The following OLFML2A variants were observed in gnomAD, a reference collection of about 807,000 sequenced individuals.
OLFML2A encodes the protein olfactomedin like 2A, also known as olfactomedin-like protein 2A.
In OLFML2A, 47 loss-of-function variants were observed where a neutral mutation model predicts 60.9. That is an observed-to-expected ratio of 0.77 (90% CI 0.61 to 0.98). OLFML2A has a LOEUF of 0.98. Ranked by LOEUF, OLFML2A falls within the 50% of genes least tolerant of loss-of-function variation. The probability of loss-of-function intolerance (pLI) is 0.00; values close to 1 mark genes in which losing one functional copy is unlikely to be tolerated. For missense variants in OLFML2A, 922 were observed against 879.8 expected (o/e 1.05, Z -0.61); for synonymous variants, 372 against 375.0 (o/e 0.99, Z 0.09).
chr9:124,795,267 G>A (rs944557808), intron 3 of OLFML2A, 136 bp downstream of exon 3: 1 of 574,870 alleles, frequency 1.7e-6, no homozygotes, highest in Non-Finnish European at 3.2e-6. Context: ...AGCTGGGGGA[G>A]GGAAATGCAG....
intron 1 of OLFML2A, among the ~76,000 whole-genome samples, chr9:124,781,180 G>GC (rs1841355181): frequency 6.6e-6 from 1 of 152,202 alleles, no homozygotes; most frequent in Non-Finnish European, 1.5e-5. Flanking sequence ...AGTTAATATG[G>GC]CCCGAACTAG....
At position 124,810,532 on chromosome 9, in the gene OLFML2A, C is replaced by A; in HGVS notation, c.*120C>A. On this transcript the variant is annotated 3_prime_UTR_variant, in exon 8 of 8. Coordinates refer to ENST00000373580, the MANE Select transcript of OLFML2A (RefSeq NM_182487.4). ...GGGCCAGCCCAGGGCTGGGACTGGGCATGAGGTGGTCACCAGGATTGAGCT... is the reference window on the plus strand; with the variant it reads ...GGGCCAGCCCAGGGCTGGGACTGGGAATGAGGTGGTCACCAGGATTGAGCT... 9.7e-7 allele frequency: 1 copy of A among 1,026,716 alleles called. No homozygotes were observed. The highest frequency in any genetic ancestry group is 1.4e-6 in the Non-Finnish European group (1 of 724,354). The allele number at this position is 1,026,716 out of a possible 1,614,324, so 63.6% of individuals were successfully genotyped here. A position where few individuals can be genotyped will look rare whatever the true frequency, so the allele number is the denominator to read the frequency against.
At position 124,795,047 on chromosome 9, in the gene OLFML2A, G is replaced by A; in HGVS notation, c.378G>A (p.Leu126=). 1 of 1,606,320 alleles carries A rather than the reference G, an allele frequency of 6.2e-7. No individual in the cohort carries two copies. The highest frequency in any genetic ancestry group is 8.5e-7 in the Non-Finnish European group (1 of 1,175,842). The change falls in exon 3 of 8, where the codon CTG becomes CTA. Residue 126 remains leucine (L), a synonymous_variant. Coordinates refer to ENST00000373580, the MANE Select transcript of OLFML2A (RefSeq NM_182487.4). ...LLKLQSMVDL[L]EGTLYSMDLM... Reference sequence around the variant, plus strand: ...AGCTGCAGTCCATGGTGGATCTCCTGGAGGGCACCCTGTACAGCATGGACT... The same window carrying A: ...AGCTGCAGTCCATGGTGGATCTCCTAGAGGGCACCCTGTACAGCATGGACT...
chr9:124,810,403 C>T lies in OLFML2A; in HGVS notation c.1950C>T (p.Phe650=), dbSNP rs748912745. The change falls in exon 8 of 8, where the codon TTC becomes TTT. Residue 650 remains phenylalanine (F), a synonymous_variant. Coordinates refer to ENST00000373580, the MANE Select transcript of OLFML2A (RefSeq NM_182487.4). ...NGHQLTYTLH[F]VV ...ACCAGCTCACCTACACCCTCCACTT[C>T]GTGGTCTGAGTGGAGACCTGTGCTC... 3.1e-6 allele frequency: 5 copies of T among 1,595,806 alleles called. No homozygotes were observed. Among genetic ancestry groups the T allele is most frequent in the Admixed American group, 1.7e-5 (1 of 59,868 alleles).
At chr9:124,808,146 C>G (rs1841940072) in intron 7 of OLFML2A, among the ~76,000 whole-genome samples, 180 bp downstream of exon 7, 1 of 152,230 alleles carries the variant, frequency 6.6e-6, no homozygotes, top group Admixed American at 6.5e-5. Context: ...GAGGCCCAGA[C>G]AGACCCCATG....
At chr9:124,797,894 G>A (rs1021611128) in intron 3 of OLFML2A, among the ~76,000 whole-genome samples, 2 of 152,190 alleles carry the variant, frequency 1.3e-5, no homozygotes, top group African/African-American at 2.4e-5. Context: ...TCAGAACCAG[G>A]AGTAGATCCA....
chr9:124,793,900 A>C (rs1413227174), intron 2 of OLFML2A, among the ~76,000 whole-genome samples: 1 of 152,148 alleles, frequency 6.6e-6, no homozygotes, highest in African/African-American at 2.4e-5. Context: ...TTAACTAGGC[A>C]GGATGGTGCA....
In OLFML2A at chr9:124,801,464, GA is replaced by G; in HGVS notation, c.724del (p.Ser242AlafsTer21). On this transcript the variant is annotated frameshift_variant, in exon 5 of 8. Coordinates refer to ENST00000373580, the MANE Select transcript of OLFML2A (RefSeq NM_182487.4). LOFTEE classifies it high-confidence loss of function. ...ACATCAGCAAGTATGGCAGTGTGCA[GA>G]AAAGCTTTGCAGACAGAGGCCTCCC... ...KDISKYGSVQKSFADRGLPKP... is the reference protein window; with the variant it reads ...KDISKYGSVQXSFADRGLPKP... 1 of 1,614,134 alleles carries G rather than the reference GA, an allele frequency of 6.2e-7. No homozygotes were observed. Among genetic ancestry groups the G allele is most frequent in the Non-Finnish European group, 8.5e-7 (1 of 1,180,022 alleles).
chr9:124,784,943 GTTTTTTTTT>G (rs750733365), intron 1 of OLFML2A, among the ~76,000 whole-genome samples: 14 of 69,542 alleles, frequency 2.0e-4, no homozygotes, highest in African/African-American at 3.9e-4. Flanking sequence ...CCTTTTACTT[GTTTTTTTTT>G]TTTTTTTTTT....
In OLFML2A at chr9:124,810,139, G is replaced by A; in HGVS notation, c.1686G>A (p.Arg562=). ...RLDPGDLSVH[R]ETTWKTRLRR... ...ACCCCGGCGATCTCTCCGTGCACCG[G>A]GAGACCACGTGGAAGACACGGCTGC... The change falls in exon 8 of 8, where the codon CGG becomes CGA. Residue 562 remains arginine, a synonymous_variant. Transcript: ENST00000373580. The A allele has an allele frequency of 6.2e-7, 1 of 1,613,902 alleles. No individual in the cohort carries two copies. Among genetic ancestry groups the A allele is most frequent in the Non-Finnish European group, 8.5e-7 (1 of 1,180,010 alleles).
chr9:124,795,607 C>G (rs1225490272), intron 3 of OLFML2A, among the ~76,000 whole-genome samples: 1 of 152,152 alleles, frequency 6.6e-6, no homozygotes, highest in Non-Finnish European at 1.5e-5. Flanking sequence ...GATGAAACCC[C>G]ATCTCTACTA....
Position 124,799,767 on chromosome 9 carries a change from G to A in OLFML2A, c.669+276G>A, listed in dbSNP as rs72763325. 1.6e-3 allele frequency among the ~76,000 whole-genome samples: 250 copies of A among 152,302 alleles called. 1 individual carries two copies. The highest frequency in any genetic ancestry group is 2.2e-3 in the Non-Finnish European group (149 of 68,012). ...TGTTTGGCATCCTTCTCATTCCCAA[G>A]CTTGAAACTAGTAGGGACAAGCTTG... On this transcript the variant is annotated intron_variant, in intron 4 of 7. Coordinates refer to ENST00000373580, the MANE Select transcript of OLFML2A (RefSeq NM_182487.4).
chr9:124,793,693 C>A (rs1452995106), intron 2 of OLFML2A, among the ~76,000 whole-genome samples: 1 of 152,170 alleles, frequency 6.6e-6, no homozygotes, highest in Non-Finnish European at 1.5e-5. Context: ...CAGAAGCAGG[C>A]TCTGAAGCCA....
intron 2 of OLFML2A, among the ~76,000 whole-genome samples, chr9:124,794,615 A>AATTATTATTATT (rs1841630281): frequency 6.6e-6 from 1 of 151,798 alleles, no homozygotes; most frequent in South Asian, 2.1e-4. Context: ...TTTTAATTTT[A>AATTATTATTATT]ATTATTATTA....
At chr9:124,795,797 C>A (rs1230936793) in intron 3 of OLFML2A, among the ~76,000 whole-genome samples, 3 of 152,136 alleles carry the variant, frequency 2.0e-5, no homozygotes, top group African/African-American at 7.2e-5. Context: ...GTCGGAGTGC[C>A]CCCCCTGGGT....
At chr9:124,785,695 C>T (rs1484594567) in intron 1 of OLFML2A, among the ~76,000 whole-genome samples, 3 of 152,098 alleles carry the variant, frequency 2.0e-5, no homozygotes, top group South Asian at 2.1e-4. Context: ...CCACCGCGCC[C>T]GGCCTTTGGA....
chr9:124,787,065 T>A lies in OLFML2A; in HGVS notation c.181T>A (p.Cys61Ser), dbSNP rs1372763884. The A allele has an allele frequency of 6.2e-6, 10 of 1,613,926 alleles. No individual in the cohort carries two copies. The highest frequency in any genetic ancestry group is 1.3e-5 in the African/African-American group (1 of 74,920). The change falls in exon 2 of 8, where the codon TGT becomes AGT. Residue 61 changes from cysteine to serine, a missense_variant. Cys to Ser is a moderately radical substitution (Grantham distance 112, BLOSUM62 -1). Coordinates refer to ENST00000373580, the MANE Select transcript of OLFML2A (RefSeq NM_182487.4). ...CIMRPLSKDACSRVRSGRARV... is the reference protein window; with the variant it reads ...CIMRPLSKDASSRVRSGRARV... ...CATGCGGCCCCTGAGCAAGGACGCG[T>A]GTAGCCGAGTGCGCAGTGGGCGGGC...
chr9:124,796,677 T>C (rs1841676145), intron 3 of OLFML2A, among the ~76,000 whole-genome samples: 1 of 152,128 alleles, frequency 6.6e-6, no homozygotes, highest in African/African-American at 2.4e-5. Context: ...GGGAAAAACC[T>C]CCCGGGGGAT....
intron 5 of OLFML2A, among the ~76,000 whole-genome samples, chr9:124,803,164 C>A (rs1460654857): frequency 6.6e-6 from 1 of 152,200 alleles, no homozygotes; most frequent in Admixed American, 6.5e-5. Context: ...CCACTTTGGC[C>A]TCCCAAAGTG....
Sources: gnomAD v4.1 joint callset for allele counts (sites outside exome capture counted in the v4.1 genomes callset) on GRCh38, gnomAD v4.1.1 for gene constraint, MANE v1.5 for transcripts, NCBI Gene and HGNC (gene_info 2026-07-23, HGNC 2026-07-21) for gene names.